Variants in HDGFL2 observed in about 807,000 individuals in gnomAD.
HDGFL2 encodes the protein HDGF like 2.
In HDGFL2, 36 loss-of-function variants were observed where a neutral mutation model predicts 77.1. The observed-to-expected ratio is 0.47, with a 90% confidence interval of 0.36 to 0.62. The LOEUF (loss-of-function observed/expected upper bound fraction) is 0.62. Among genes scored for constraint, HDGFL2 ranks in the 20% least tolerant of loss-of-function variants. The pLI, the probability that HDGFL2 is intolerant of heterozygous loss-of-function variation, is 0.00. For missense variants in HDGFL2, 976 were observed against 973.4 expected, an observed-to-expected ratio of 1.00 and a Z score of -0.04; for synonymous variants, 463 against 413.1, an observed-to-expected ratio of 1.12 and a Z score of -1.46.
rs1380421525 is a variant in HDGFL2, at chr19:4,493,081, GTGTGTTATC to G, written c.679-616_679-608del. Among the ~76,000 whole-genome samples, 220 of 47,604 alleles carry G rather than the reference GTGTGTTATC, an allele frequency of 4.6e-3. 4 individuals are homozygous for G. The highest frequency in any genetic ancestry group is 0.022 in the African/African-American group (218 of 9,794). 31.2% of individuals were successfully genotyped at this position (47,604 alleles called of 152,430 possible). A position where few individuals can be genotyped will look rare whatever the true frequency, so the allele number is the denominator to read the frequency against. On this transcript the variant is annotated intron_variant, in intron 6 of 15. Transcript: ENST00000616600. The stretch of plus-strand genomic sequence containing the variant: ...TGTGTGTTGTCTGTGTGTGGTGTGT[GTGTGTTATC>G]TGTGTGGTGTGTGGTGTGTGTGTTG...
At position 4,488,865 on chromosome 19, in the gene HDGFL2, C is replaced by T. The variant is rs2145185949; in HGVS notation, c.478C>T (p.Pro160Ser). The part of the protein sequence containing the change: ...SDNSGLKRKT[P>S]ALKMSVSKRA... ...CAACAGTGGCCTGAAGAGGAAGACG[C>T]CTGCGCTAAAGGTAGGGGAGGACCA... is the stretch of plus-strand genomic sequence containing the variant. Residue 160 changes from proline (P) to serine (S), a missense_variant, in exon 4 of 16, where the codon CCT becomes TCT. Pro to Ser is a moderately conservative substitution (Grantham distance 74, BLOSUM62 -1). Coordinates refer to ENST00000616600, the MANE Select transcript of HDGFL2 (RefSeq NM_001001520.3). The T allele has an allele frequency of 6.4e-7, 1 of 1,551,376 alleles. No individual in the cohort carries two copies. Among genetic ancestry groups the T allele is most frequent in the Non-Finnish European group, 8.7e-7 (1 of 1,146,968 alleles).
chr19:4,489,668 C>T (rs1190804749), intron 4 of HDGFL2, among the ~76,000 whole-genome samples: 2 of 152,180 alleles, frequency 1.3e-5, no homozygotes, highest in African/African-American at 2.4e-5. Context: ...TCCCAAAGTG[C>T]TGGGATTACA....
intron 15 of HDGFL2, 133 bp downstream of exon 15, chr19:4,501,450 C>G: frequency 2.7e-6 from 3 of 1,094,248 alleles, no homozygotes; most frequent in Non-Finnish European, 3.7e-6. Flanking sequence ...CTCGGGCCTC[C>G]CACCTTCACA....
At chr19:4,500,385 C>T (rs567376050) in intron 14 of HDGFL2, among the ~76,000 whole-genome samples, 17 of 151,978 alleles carry the variant, frequency 1.1e-4, no homozygotes, top group African/African-American at 4.1e-4. Context: ...TTCCTGGGCG[C>T]AAGCCATCCT....
At chr19:4,492,491 A>C (rs1975542673) in intron 6 of HDGFL2, among the ~76,000 whole-genome samples, 1 of 151,270 alleles carries the variant, frequency 6.6e-6, no homozygotes, top group African/African-American at 2.4e-5. Context: ...CCATGTGTGC[A>C]TACTGTTCAT....
In HDGFL2 at chr19:4,494,360, G is replaced by A. The variant is rs1406006207; in HGVS notation, c.1109G>A (p.Ser370Asn). Residue 370 changes from serine (S) to asparagine (N), a missense_variant, in exon 9 of 16, where the codon AGC (serine) becomes AAC (asparagine). Around this residue, in one of 5 missense-constraint regions of HDGFL2, gnomAD observed 567 missense variants for 534.7 expected, o/e 1.06. Coordinates refer to ENST00000616600, the MANE Select transcript of HDGFL2 (RefSeq NM_001001520.3). ...GCTGAGCGGGGCAGCGGCGGCAGCA[G>A]CGGGGACGAGCTCAGGGAGGACGAT... ...GEAERGSGGSSGDELREDDEP... is the reference protein window; with the variant it reads ...GEAERGSGGSNGDELREDDEP... 57 of 1,406,658 alleles carry A rather than the reference G, an allele frequency of 4.1e-5. No individual in the cohort carries two copies. The highest frequency in any genetic ancestry group is 5.2e-5 in the Non-Finnish European group (56 of 1,085,258). 87.1% of individuals were successfully genotyped at this position (1,406,658 alleles called of 1,614,324 possible). A position where few individuals can be genotyped will look rare whatever the true frequency, so the allele number is the denominator to read the frequency against.
intron 3 of HDGFL2, among the ~76,000 whole-genome samples, chr19:4,481,026 T>G (rs1394421831): frequency 2.8e-5 from 4 of 144,304 alleles, no homozygotes; most frequent in Middle Eastern, 3.3e-3. Flanking sequence ...CCGGCTAATT[T>G]TTTTTTTTTT....
At chr19:4,491,534 A>G (rs1403787230) in intron 4 of HDGFL2, 32 bp from the exon 5 acceptor site, 5 of 1,593,452 alleles carry the variant, frequency 3.1e-6, no homozygotes, top group Non-Finnish European at 2.6e-6. Flanking sequence ...CGGCCTTCCC[A>G]TCACTGAGCA....
chr19:4,483,523 C>T (rs1460880938), intron 3 of HDGFL2, among the ~76,000 whole-genome samples: 3 of 152,188 alleles, frequency 2.0e-5, no homozygotes, highest in East Asian at 1.9e-4. Context: ...ACGCTGGCCT[C>T]GCCTGCAGCA....
chr19:4,483,697 T>G (rs1473342040), intron 3 of HDGFL2, among the ~76,000 whole-genome samples: 2 of 151,560 alleles, frequency 1.3e-5, no homozygotes, highest in Non-Finnish European at 2.9e-5. Context: ...TCCACCTTGC[T>G]CTCTCCTGGA....
In HDGFL2 at chr19:4,494,414, G is replaced by T. The variant is rs766886019; in HGVS notation, c.1163G>T (p.Gly388Val). ...DEPVKKRGRK[G>V]RGRGPPSSSD... The stretch of plus-strand genomic sequence containing the variant: ...CCCGTCAAGAAGCGGGGACGCAAGG[G>T]CCGGGGCCGGGGTCCCCCGTCCTCC... Residue 388 changes from glycine to valine, a missense_variant, in exon 9 of 16, where the codon GGC becomes GTC. Physicochemically the swap from Gly to Val is moderately radical, Grantham distance 109 (BLOSUM62 -3). Around this residue, in one of 5 missense-constraint regions of HDGFL2, gnomAD observed 567 missense variants for 534.7 expected, o/e 1.06. Transcript: ENST00000616600. 2.8e-6 allele frequency: 4 copies of T among 1,405,652 alleles called. No individual in the cohort carries two copies. Among genetic ancestry groups the T allele is most frequent in the Middle Eastern group, 1.9e-4 (1 of 5,256 alleles). The allele number at this position is 1,405,652 out of a possible 1,614,324, so 87.1% of individuals were successfully genotyped here. A position where few individuals can be genotyped will look rare whatever the true frequency, so the allele number is the denominator to read the frequency against.
intron 6 of HDGFL2, among the ~76,000 whole-genome samples, chr19:4,492,918 GTGTGTATC>G: frequency 8.7e-6 from 1 of 115,340 alleles, no homozygotes; most frequent in South Asian, 2.8e-4. Flanking sequence ...TGTCTGTGTG[GTGTGTATC>G]TGTGTGTGTG....
At chr19:4,496,495 C>CT (rs1975706479) in intron 10 of HDGFL2, 90 bp downstream of exon 10, 3 of 978,280 alleles carry the variant, frequency 3.1e-6, no homozygotes, top group Middle Eastern at 3.0e-4. Context: ...AGCCCCACCT[C>CT]TGAGTTCAGC....
intron 3 of HDGFL2, among the ~76,000 whole-genome samples, chr19:4,480,436 T>G (rs950665332): frequency 1.3e-5 from 2 of 151,526 alleles, no homozygotes. Flanking sequence ...GAAGTGGGAG[T>G]TGGGAGGCGT....
At chr19:4,496,135 G>T (rs1389685625) in intron 9 of HDGFL2, among the ~76,000 whole-genome samples, 167 bp from the exon 10 acceptor site, 1 of 152,124 alleles carries the variant, frequency 6.6e-6, no homozygotes, top group African/African-American at 2.4e-5. Flanking sequence ...ATCCACTCAG[G>T]ACCGGACACT....
chr19:4,479,071 A>G (rs761576699), intron 3 of HDGFL2, among the ~76,000 whole-genome samples: 6 of 151,930 alleles, frequency 3.9e-5, no homozygotes, highest in Admixed American at 6.6e-5. Context: ...TCACGCCTGT[A>G]ACCTCAGCAC....
In HDGFL2 at chr19:4,494,077, T is replaced by C. The variant is rs1427778549; in HGVS notation, c.914+20T>C. The C allele has an allele frequency of 6.3e-7, 1 of 1,578,912 alleles. No individual in the cohort carries two copies. Among genetic ancestry groups the C allele is most frequent in the Non-Finnish European group, 8.6e-7 (1 of 1,163,144 alleles). On this transcript the variant is annotated intron_variant, in intron 8 of 15. Transcript: ENST00000616600. ...TGACAGGTGGGTGCTGGGGCTGGGG[T>C]CCCCTCTGGCGGCTCCTCCATCGGC...
intron 3 of HDGFL2, among the ~76,000 whole-genome samples, chr19:4,479,396 A>G (rs957546198): frequency 6.6e-6 from 1 of 151,560 alleles, no homozygotes; most frequent in Non-Finnish European, 1.5e-5. Flanking sequence ...ATCCTGGCTA[A>G]CTTGGTGAAA....
chr19:4,493,595 C>A, intron 6 of HDGFL2, 108 bp from the exon 7 acceptor site: 1 of 1,275,496 alleles, frequency 7.8e-7, no homozygotes, highest in Non-Finnish European at 1.0e-6. Context: ...GAGCCGAGGC[C>A]CGCAGAGCCT....
Sources: allele counts gnomAD v4.1 joint callset (sites outside exome capture counted in the v4.1 genomes callset), GRCh38; gene constraint gnomAD v4.1.1; regional missense constraint gnomAD v4.1.1; transcripts MANE v1.5; gene names NCBI Gene and HGNC (gene_info 2026-07-23, HGNC 2026-07-21).